The following SUMF1 variants were observed in gnomAD, a reference collection of about 807,000 sequenced individuals.
SUMF1 encodes the protein formylglycine-generating enzyme.
In SUMF1, 48 loss-of-function variants were observed where a neutral mutation model predicts 47.6. The observed-to-expected ratio is 1.01, with a 90% CI of 0.80 to 1.28. The LOEUF is 1.28. SUMF1 is among the 50% of genes most tolerant of loss of function. The probability of loss-of-function intolerance (pLI) is 0.00; values close to 1 mark genes in which losing one functional copy is unlikely to be tolerated. For missense variants in SUMF1, 571 were observed against 485.4 expected (o/e 1.18, Z -1.66); for synonymous variants, 230 against 192.1 (o/e 1.20, Z -1.63).
At chr3:4,259,726 C>A (rs1481317831) in intron 8 of SUMF1, among the ~76,000 whole-genome samples, 1 of 152,070 alleles carries the variant, frequency 6.6e-6, no homozygotes, top group Non-Finnish European at 1.5e-5. Flanking sequence ...AAGCACAAAG[C>A]CTAATGGCAA....
rs552256524 is a variant in SUMF1, at chr3:4,303,580, T to C, written c.1014+72750A>G. On this transcript the variant is annotated intron_variant and NMD_transcript_variant, in intron 8 of 12. Transcript: ENST00000448413. ...GCGGGCGCGCGGCTCCCCCACGTGG[T>C]CTCCTCAAGCCGCCTCGCTGGGACG... 1.9e-4 allele frequency: 262 copies of C among 1,344,430 alleles called. No homozygotes were observed. In the Middle Eastern group the frequency reaches 6.1e-3, roughly 31 times the overall value. The allele number at this position is 1,344,430 out of a possible 1,614,324, so 83.3% of individuals were successfully genotyped here. A position where few individuals can be genotyped will look rare whatever the true frequency, so the allele number is the denominator to read the frequency against.
intron 8 of SUMF1, among the ~76,000 whole-genome samples, chr3:4,290,670 C>A (rs1165309513): frequency 4.6e-5 from 7 of 152,264 alleles, no homozygotes; most frequent in South Asian, 2.1e-4. Flanking sequence ...AAACTTATCT[C>A]TTCTCTAAAT....
intron 8 of SUMF1, among the ~76,000 whole-genome samples, chr3:4,368,683 A>C (rs1700067292): frequency 6.6e-6 from 1 of 152,176 alleles, no homozygotes; most frequent in South Asian, 2.1e-4. Flanking sequence ...ACTGCCCAAT[A>C]CACAAGCCCT....
At chr3:4,188,807 C>T (rs1430571050) in intron 8 of SUMF1, among the ~76,000 whole-genome samples, 1 of 152,148 alleles carries the variant, frequency 6.6e-6, no homozygotes, top group East Asian at 1.9e-4. Flanking sequence ...CCATGTAAAA[C>T]ATTTTGAATA....
At chr3:4,035,974 T>C (rs1342981112) in intron 9 of SUMF1, among the ~76,000 whole-genome samples, 1 of 152,174 alleles carries the variant, frequency 6.6e-6, no homozygotes, top group Admixed American at 6.5e-5. Flanking sequence ...CAATGGCCTA[T>C]GTGACCTGAG....
intron 8 of SUMF1, among the ~76,000 whole-genome samples, chr3:4,352,110 G>A (rs1022322694): frequency 7.2e-5 from 11 of 151,806 alleles, no homozygotes; most frequent in South Asian, 2.1e-4. Flanking sequence ...GTAATCTCCC[G>A]TCTTCAGTCC....
chr3:4,360,425 T>C (rs1252431869), downstream of SUMF1, among the ~76,000 whole-genome samples: 1 of 152,062 alleles, frequency 6.6e-6, no homozygotes, highest in Non-Finnish European at 1.5e-5. Flanking sequence ...CCTTCCAGGT[T>C]CAAGCAATTC....
At chr3:4,092,299 T>C (rs1245589363) in intron 8 of SUMF1, among the ~76,000 whole-genome samples, 1 of 151,996 alleles carries the variant, frequency 6.6e-6, no homozygotes, top group Non-Finnish European at 1.5e-5. Context: ...CACCAGAAGA[T>C]CCCAATTCTC....
intron 9 of SUMF1, among the ~76,000 whole-genome samples, chr3:4,054,647 T>G (rs1449225941): frequency 6.6e-6 from 1 of 152,150 alleles, no homozygotes; most frequent in Non-Finnish European, 1.5e-5. Flanking sequence ...TATGTAATAT[T>G]TATGAGATAC....
intron 8 of SUMF1, among the ~76,000 whole-genome samples, chr3:4,202,488 A>C (rs1695562473): frequency 6.6e-6 from 1 of 151,992 alleles, no homozygotes; most frequent in South Asian, 2.1e-4. Context: ...TGCCAGTACT[A>C]TGTTGTTCTG....
intron 8 of SUMF1, among the ~76,000 whole-genome samples, chr3:4,316,015 C>T (rs1168998846): frequency 2.8e-5 from 4 of 145,430 alleles, no homozygotes; most frequent in Non-Finnish European, 5.9e-5. Context: ...CCACTGCACT[C>T]CAGCTTGGGT....
chr3:4,161,931 C>T (rs1431501900), intron 8 of SUMF1, among the ~76,000 whole-genome samples: 1 of 152,060 alleles, frequency 6.6e-6, no homozygotes, highest in African/African-American at 2.4e-5. Flanking sequence ...GAAGCCAGCA[C>T]ATCTCAGAGT....
chr3:4,074,548 A>T (rs1463936309), intron 8 of SUMF1, among the ~76,000 whole-genome samples: 1 of 152,146 alleles, frequency 6.6e-6, no homozygotes, highest in Admixed American at 6.5e-5. Flanking sequence ...CAATGAATAC[A>T]GGAGCTGGTT....
At chr3:4,229,259 G>A (rs569703975) in intron 8 of SUMF1, 67 of 324,234 alleles carry the variant, frequency 2.1e-4, no homozygotes, top group Non-Finnish European at 3.8e-4. Context: ...CTGCCCACCC[G>A]GACAATCATC....
intron 7 of SUMF1, among the ~76,000 whole-genome samples, chr3:4,386,320 A>C (rs1314001926): frequency 1.3e-5 from 2 of 152,150 alleles, no homozygotes; most frequent in Non-Finnish European, 2.9e-5. Context: ...CACATGTACT[A>C]AACACATTTT....
intron 7 of SUMF1, among the ~76,000 whole-genome samples, chr3:4,387,063 T>C (rs1330957722): frequency 6.6e-6 from 1 of 151,966 alleles, no homozygotes; most frequent in Non-Finnish European, 1.5e-5. Flanking sequence ...TAACCTTCTA[T>C]TTTTTTACTG....
At chr3:4,392,639 A>C (rs1473948747) in intron 7 of SUMF1, among the ~76,000 whole-genome samples, 7 of 134,116 alleles carry the variant, frequency 5.2e-5, no homozygotes, top group Admixed American at 3.2e-4. Context: ...ATATATATAT[A>C]TCTACCTATA....
At chr3:4,062,166 G>A (rs1357236828) in intron 9 of SUMF1, among the ~76,000 whole-genome samples, 2 of 151,972 alleles carry the variant, frequency 1.3e-5, no homozygotes, top group Non-Finnish European at 2.9e-5. Context: ...ACAAACTCCT[G>A]AGCCAACCCT....
exon 9 of SUMF1, chr3:4,068,586 A>G (rs747243500): frequency 8.3e-5 from 32 of 385,856 alleles, no homozygotes; most frequent in South Asian, 6.1e-4. Flanking sequence ...CTCAATTCAA[A>G]CTTGCCACAT....
Sources: allele counts gnomAD v4.1 joint callset (sites outside exome capture counted in the v4.1 genomes callset), GRCh38; gene constraint gnomAD v4.1.1; transcripts MANE v1.5; gene names NCBI Gene and HGNC (gene_info 2026-07-23, HGNC 2026-07-21).